The following NALCN variants were observed in gnomAD, a reference collection of about 807,000 sequenced individuals.
NALCN encodes sodium leak channel, non-selective, also known as sodium leak channel NALCN.
In NALCN, 111 loss-of-function variants were observed where a neutral mutation model predicts 225.3. That is an observed-to-expected ratio of 0.49 (90% CI 0.42 to 0.58). NALCN has a LOEUF of 0.58. Among genes scored for constraint, NALCN ranks in the 20% least tolerant of loss-of-function variants. The pLI is 0.00. For missense variants in NALCN, 1,378 were observed against 2,202.4 expected (o/e 0.63, Z 7.49); for synonymous variants, 764 against 769.0 (o/e 0.99, Z 0.11).
chr13:101,398,992 T>G (rs781139850), intron 2 of NALCN, 27 bp downstream of exon 2: 5 of 1,368,518 alleles, frequency 3.7e-6, no homozygotes, highest in South Asian at 1.2e-5. Context: ...CCACATATGC[T>G]TCTCCATACT....
chr13:101,282,660 A>C (rs2043206636), intron 10 of NALCN, among the ~76,000 whole-genome samples: 1 of 152,180 alleles, frequency 6.6e-6, no homozygotes, highest in African/African-American at 2.4e-5. Context: ...CCCCCACCCC[A>C]CACACACAGA....
rs77730385 is a variant in NALCN, at chr13:101,258,539, G to A, written c.1170C>T (p.Ile390=). ...MMRSSVFHMF[I]LSMVTVDVIV... The stretch of plus-strand genomic sequence containing the variant: ...TCACGTCCACGGTCACCATGCTCAG[G>A]ATGAACATGTGGAAAACGGATGACC... Residue 390 remains isoleucine (I), a synonymous_variant, in exon 11 of 44, where the codon ATC becomes ATT. Coordinates refer to ENST00000251127, the MANE Select transcript of NALCN (RefSeq NM_052867.4). 1.4e-5 allele frequency: 22 copies of A among 1,614,036 alleles called. No individual in the cohort carries two copies. In the East Asian group the frequency reaches 3.6e-4, roughly 26 times the overall value.
At chr13:101,135,163 C>T (rs2036719663) in intron 17 of NALCN, among the ~76,000 whole-genome samples, 1 of 152,184 alleles carries the variant, frequency 6.6e-6, no homozygotes, top group Admixed American at 6.5e-5. Flanking sequence ...CCGCTGCACC[C>T]CAGGCTGGGT....
chr13:101,153,812 C>T (rs1594320546), intron 15 of NALCN, among the ~76,000 whole-genome samples: 2 of 152,280 alleles, frequency 1.3e-5, no homozygotes, highest in East Asian at 3.9e-4. Flanking sequence ...AAAAGAAATA[C>T]CTTTATGTCC....
In NALCN at chr13:101,346,057, T is replaced by TTCTCTCTCTCTCTCTCTCTCTC. The variant is rs767899309; in HGVS notation, c.645-659_645-638dup. On this transcript the variant is annotated intron_variant, in intron 6 of 43. Coordinates refer to ENST00000251127, the MANE Select transcript of NALCN (RefSeq NM_052867.4). ...TATATATATGAGACCTTGAGAGACT[T>TTCTCTCTCTCTCTCTCTCTCTC]TCTCTCTCTCTCTCTCTCTCTCTCT... Among the ~76,000 whole-genome samples, 70 of 75,516 alleles carry TTCTCTCTCTCTCTCTCTCTCTC rather than the reference T, an allele frequency of 9.3e-4. 1 individual carries two copies. The highest frequency in any genetic ancestry group is 2.6e-3 in the East Asian group (7 of 2,710). 49.5% of individuals were successfully genotyped at this position (75,516 alleles called of 152,430 possible).
At chr13:101,314,660 C>T (rs2044487176) in intron 7 of NALCN, among the ~76,000 whole-genome samples, 1 of 152,138 alleles carries the variant, frequency 6.6e-6, no homozygotes, top group Non-Finnish European at 1.5e-5. Context: ...GATATTCGAA[C>T]AAATGCACAG....
intron 13 of NALCN, among the ~76,000 whole-genome samples, chr13:101,223,094 A>C (rs1476432642): frequency 6.6e-6 from 1 of 152,050 alleles, no homozygotes; most frequent in East Asian, 1.9e-4. Flanking sequence ...ATACAAAACA[A>C]ATTAGTCCTA....
At chr13:101,152,373 T>C (rs2037693714) in intron 15 of NALCN, among the ~76,000 whole-genome samples, 2 of 152,204 alleles carry the variant, frequency 1.3e-5, no homozygotes, top group African/African-American at 4.8e-5. Flanking sequence ...TTGTGTTTGT[T>C]GGTTTGGGAG....
intron 18 of NALCN, among the ~76,000 whole-genome samples, chr13:101,119,246 A>T (rs1350636660): frequency 6.6e-6 from 1 of 152,230 alleles, no homozygotes; most frequent in African/African-American, 2.4e-5. Flanking sequence ...ATAGTCATTA[A>T]ATGATTCTTT....
At chr13:101,132,492 C>T (rs2036565091) in intron 17 of NALCN, among the ~76,000 whole-genome samples, 1 of 152,028 alleles carries the variant, frequency 6.6e-6, no homozygotes, top group Admixed American at 6.5e-5. Flanking sequence ...ATGCCCATTG[C>T]ACATTTAAAA....
chr13:101,309,348 G>A (rs1432807192), intron 7 of NALCN, among the ~76,000 whole-genome samples: 2 of 152,166 alleles, frequency 1.3e-5, no homozygotes, highest in Non-Finnish European at 2.9e-5. Flanking sequence ...GAAATATTTA[G>A]TACTGGAATA....
intron 6 of NALCN, among the ~76,000 whole-genome samples, chr13:101,348,200 A>G (rs2045800979): frequency 6.6e-6 from 1 of 152,214 alleles, no homozygotes; most frequent in Admixed American, 6.6e-5. Context: ...TATTTGGAGA[A>G]GAAATTGGAC....
intron 22 of NALCN, among the ~76,000 whole-genome samples, chr13:101,107,252 A>G (rs1309164741): frequency 2.0e-5 from 3 of 152,236 alleles, no homozygotes; most frequent in Admixed American, 2.0e-4. Context: ...AAATGCACAA[A>G]CGAAAATGGC....
At chr13:101,155,723 G>A (rs1447221899) in intron 15 of NALCN, among the ~76,000 whole-genome samples, 1 of 152,096 alleles carries the variant, frequency 6.6e-6, no homozygotes, top group Non-Finnish European at 1.5e-5. Context: ...TCTTAGGAAG[G>A]AGGAGTATCA....
At chr13:101,062,237 AC>A in intron 40 of NALCN, 119 bp from the exon 41 acceptor site, 5 of 1,083,326 alleles carry the variant, frequency 4.6e-6, no homozygotes, top group Non-Finnish European at 6.5e-6. Flanking sequence ...TTTTGACGCC[AC>A]CCCTCGCCAC....
intron 14 of NALCN, chr13:101,180,842 T>TAG: frequency 8.2e-6 from 1 of 121,654 alleles, no homozygotes. Flanking sequence ...ACACGCTTTG[T>TAG]CTCTCTCTCT....
Position 101,229,452 on chromosome 13 carries a change from T to C in NALCN, c.1567A>G (p.Ile523Val), listed in dbSNP as rs150580612. ...ACAAAGCAGAACATCTGCAAACTAA[T>C]TGCTGACATAACAATCAAGAGGCTG... is the stretch of plus-strand genomic sequence containing the variant. ...TASLLIVMSAISLQMFCFVEE... is the reference protein window; with the variant it reads ...TASLLIVMSAVSLQMFCFVEE... Residue 523 changes from isoleucine (I) to valine (V), a missense_variant, in exon 13 of 44, where the codon ATT becomes GTT. This residue lies in a region of NALCN where 12 missense variants were observed against 50.5 expected (regional missense o/e 0.24). Transcript: ENST00000251127. 9.6e-4 allele frequency: 1,548 copies of C among 1,610,060 alleles called. 4 individuals carry two copies. Among genetic ancestry groups the C allele is most frequent in the South Asian group, 2.8e-3 (249 of 90,486 alleles).
chr13:101,276,675 A>G (rs1347760313), intron 10 of NALCN, among the ~76,000 whole-genome samples: 1 of 152,220 alleles, frequency 6.6e-6, no homozygotes, highest in Non-Finnish European at 1.5e-5. Flanking sequence ...AACTGCAGAC[A>G]AAAGATGCCT....
intron 6 of NALCN, among the ~76,000 whole-genome samples, chr13:101,351,723 A>G (rs956113751): frequency 6.6e-6 from 1 of 152,214 alleles, no homozygotes; most frequent in Non-Finnish European, 1.5e-5. Context: ...GAAGGACCTC[A>G]TAACGCTTTC....
Sources: gnomAD v4.1 joint callset for allele counts (sites outside exome capture counted in the v4.1 genomes callset) on GRCh38, gnomAD v4.1.1 for gene constraint, gnomAD v4.1.1 regional missense constraint, MANE v1.5 for transcripts, NCBI Gene and HGNC (gene_info 2026-07-23, HGNC 2026-07-21) for gene names.